The following CERS4 variants were observed in gnomAD, a reference collection of about 807,000 sequenced individuals.
CERS4 encodes LAG1 homolog, ceramide synthase 4.
Under a neutral mutation model 51.8 loss-of-function variants are expected in CERS4, and 65 were observed. The ratio of observed to expected loss-of-function variants is 1.26; its 90% CI spans 1.03 to 1.54. The LOEUF is 1.54. CERS4 is among the 40% of genes most tolerant of loss of function. The probability of loss-of-function intolerance (pLI) is 0.00; values close to 1 mark genes in which losing one functional copy is unlikely to be tolerated. For synonymous variants in CERS4, 228 were observed against 208.4 expected, an observed-to-expected ratio of 1.09 and a Z score of -0.81; for missense variants, 563 against 500.4, an observed-to-expected ratio of 1.13 and a Z score of -1.19.
chr19:8,237,707 C>G (rs955382259), intron 2 of CERS4, among the ~76,000 whole-genome samples: 1 of 151,940 alleles, frequency 6.6e-6, no homozygotes, highest in Non-Finnish European at 1.5e-5. Flanking sequence ...AAAAATTAGC[C>G]GGGCGTGGTG....
rs758202224 is a variant in CERS4 at position 8,257,951 on chromosome 19, T to G, written c.814T>G (p.Phe272Val). The change falls in exon 10 of 12, where the codon TTC becomes GTC. Residue 272 changes from phenylalanine (F) to valine (V), a missense_variant. Phe to Val is a conservative substitution (Grantham distance 50). Transcript: ENST00000251363. ...TCTCTTCCTCATCTTCTCCTTTGTC[T>G]TCTTCTACACCCGACTGGTCCTCTT... ...DALFLIFSFV[F>V]FYTRLVLFPT... The G allele has an allele frequency of 1.5e-5, 25 of 1,613,690 alleles. No homozygotes were observed. The highest frequency in any genetic ancestry group is 2.2e-5 in the East Asian group (1 of 44,876).
At chr19:8,225,183 CA>C (rs774092807) in intron 2 of CERS4, 3 of 152,286 alleles carry the variant, frequency 2.0e-5, no homozygotes, top group African/African-American at 4.8e-5. Context: ...GAGAAAACAG[CA>C]GAGAGGAGGG....
At chr19:8,250,591 G>A (rs1371228495) in intron 2 of CERS4, 1 of 153,404 alleles carries the variant, frequency 6.5e-6, no homozygotes, top group Non-Finnish European at 1.4e-5. Flanking sequence ...TGAGTAGCTG[G>A]GATTACAGGC....
chr19:8,254,478 C>T, intron 3 of CERS4, 21 bp from the exon 4 acceptor site: 1 of 1,607,726 alleles, frequency 6.2e-7, no homozygotes, highest in Non-Finnish European at 8.5e-7. Flanking sequence ...GGCTGATAGG[C>T]TCTGTCTCCT....
intron 2 of CERS4, among the ~76,000 whole-genome samples, chr19:8,223,559 C>T (rs1483976266): frequency 6.6e-6 from 1 of 152,050 alleles, no homozygotes; most frequent in Middle Eastern, 3.2e-3. Flanking sequence ...GCGGAGGTTG[C>T]AGGGAGCTAA....
intron 2 of CERS4, among the ~76,000 whole-genome samples, chr19:8,249,587 ATT>A (rs869119452): frequency 1.2e-3 from 108 of 91,348 alleles, no homozygotes; most frequent in South Asian, 6.6e-3. Context: ...GGAACTCTGG[ATT>A]TTTTTTTTTT....
intron 10 of CERS4, among the ~76,000 whole-genome samples, chr19:8,259,834 A>G (rs973924619): frequency 2.8e-4 from 42 of 152,144 alleles, no homozygotes; most frequent in African/African-American, 1.0e-3. Flanking sequence ...GGCATCACCT[A>G]GGGACCAGGT....
intron 2 of CERS4, among the ~76,000 whole-genome samples, chr19:8,212,937 T>C (rs1006541450): frequency 1.3e-5 from 2 of 152,010 alleles, no homozygotes; most frequent in African/African-American, 4.8e-5. Flanking sequence ...TGTGAGCCAC[T>C]GCGCCCAGCC....
intron 2 of CERS4, among the ~76,000 whole-genome samples, chr19:8,244,055 G>T (rs1268317355): frequency 1.3e-5 from 2 of 152,214 alleles, no homozygotes; most frequent in East Asian, 3.8e-4. Flanking sequence ...CATCACAAGG[G>T]TCTTAAAATG....
At chr19:8,240,232 G>A (rs937254062) in intron 2 of CERS4, among the ~76,000 whole-genome samples, 1 of 152,120 alleles carries the variant, frequency 6.6e-6, no homozygotes, top group Non-Finnish European at 1.5e-5. Context: ...AGGCAGCAGG[G>A]CCAGAATGTA....
chr19:8,258,718 T>C (rs181928395), intron 10 of CERS4, among the ~76,000 whole-genome samples: 24 of 152,268 alleles, frequency 1.6e-4, no homozygotes, highest in African/African-American at 3.9e-4. Flanking sequence ...GGTGCATACC[T>C]GTAATCCCAG....
Position 8,210,017 on chromosome 19 carries a change from T to C in CERS4, c.-159+523T>C, listed in dbSNP as rs1381474238. The C allele has an allele frequency of 1.7e-5, 1 of 59,570 alleles. No individual in the cohort carries two copies. The highest frequency in any genetic ancestry group is 7.5e-5 in the African/African-American group (1 of 13,388). 3.7% of individuals were successfully genotyped at this position (59,570 alleles called of 1,614,324 possible). On this transcript the variant is annotated intron_variant, in intron 1 of 11. Coordinates refer to ENST00000251363, the MANE Select transcript of CERS4 (RefSeq NM_024552.3). This position sits in a 1 kb window ranked among gnomAD's most constrained non-coding sequence, Gnocchi z 4.2. ...GTTGGACCAGCCAGCGAGGGCTTTT[T>C]AGGCCCAGGGCCTAGCCGGGAGTGT...
At position 8,253,449 on chromosome 19, in the gene CERS4, C is replaced by CTTTTTTTT. The variant is rs35212733; in HGVS notation, c.174-1035_174-1028dup. Among the ~76,000 whole-genome samples the CTTTTTTTT allele has an allele frequency of 3.6e-4, 27 of 74,054 alleles. 1 individual carries two copies. The highest frequency in any genetic ancestry group is 1.3e-3 in the African/African-American group (27 of 20,168). 48.6% of individuals were successfully genotyped at this position (74,054 alleles called of 152,430 possible). A position where few individuals can be genotyped will look rare whatever the true frequency, so the allele number is the denominator to read the frequency against. On this transcript the variant is annotated intron_variant, in intron 3 of 11. Transcript: ENST00000251363. ...ACCCTACAGACAAAGGTCCAGCTGCCTTTTTTTTTTTTTTTTTTTTTTGGG... is the reference window on the plus strand; with the variant it reads ...ACCCTACAGACAAAGGTCCAGCTGCCTTTTTTTTTTTTTTTTTTTTTTTTTTTTTTGGG...
chr19:8,236,954 G>C (rs977373750), intron 2 of CERS4, among the ~76,000 whole-genome samples: 1 of 117,398 alleles, frequency 8.5e-6, no homozygotes, highest in African/African-American at 3.3e-5. Flanking sequence ...AGTGAACTGA[G>C]ATCAGGCCAC....
At position 8,209,404 on chromosome 19, in the gene CERS4, CGT is replaced by C. The variant is rs1219090155; in HGVS notation, c.-246_-245del. On this transcript the variant is annotated 5_prime_UTR_variant, in exon 1 of 12. Transcript: ENST00000251363. ...GTCCGGCTGCCTGGGGCGGGCGGCG[CGT>C]GTCTGCAGCTGCTCCGGGTAGCCCG... 3 of 150,892 alleles carry C rather than the reference CGT, an allele frequency of 2.0e-5. No individual in the cohort carries two copies. The highest frequency in any genetic ancestry group is 4.4e-5 in the Non-Finnish European group (3 of 67,512). 9.3% of individuals were successfully genotyped at this position (150,892 alleles called of 1,614,324 possible). A position where few individuals can be genotyped will look rare whatever the true frequency, so the allele number is the denominator to read the frequency against.
Position 8,255,772 on chromosome 19 carries a change from TGGGGC to T in CERS4, c.411-41_411-37del, listed in dbSNP as rs71786313. 1.6e-5 allele frequency: 20 copies of T among 1,259,700 alleles called. No homozygotes were observed. In the Admixed American group the frequency reaches 2.4e-4, roughly 15 times the overall value. The allele number at this position is 1,259,700 out of a possible 1,614,324, so 78.0% of individuals were successfully genotyped here. A position where few individuals can be genotyped will look rare whatever the true frequency, so the allele number is the denominator to read the frequency against. On this transcript the variant is annotated intron_variant, in intron 5 of 11. Transcript: ENST00000251363. ...TGGGGTGCAGGGAAGCGGGCCGGGG[TGGGGC>T]GGGGCGGGTGTCTGCTATTTTCACA...
At chr19:8,225,337 T>A (rs149931054) in intron 2 of CERS4, among the ~76,000 whole-genome samples, 7 of 151,296 alleles carry the variant, frequency 4.6e-5, no homozygotes, top group African/African-American at 1.7e-4. Context: ...AGCCAAAGGC[T>A]GGAGTAGTAG....
chr19:8,256,623 G>A lies in CERS4; in HGVS notation c.525G>A (p.Leu175=). 6.2e-7 allele frequency: 1 copy of A among 1,611,942 alleles called. No homozygotes were observed. The highest frequency in any genetic ancestry group is 8.5e-7 in the Non-Finnish European group (1 of 1,179,150). Reference sequence around the variant, plus strand: ...CTTGTCCTGTCCTGCTGCAGACTCTGAAGCCATCCCTGTACTGGTGGTACC... The same window carrying A: ...CTTGTCCTGTCCTGCTGCAGACTCTAAAGCCATCCCTGTACTGGTGGTACC... ...MCWDRYPNQT[L]KPSLYWWYLL... Residue 175 remains leucine (L), a synonymous_variant, in exon 8 of 12, where the codon CTG becomes CTA. Transcript: ENST00000251363.
rs578205747 is a variant in CERS4, at chr19:8,257,903, C to G, written c.766C>G (p.Gln256Glu). The change falls in exon 10 of 12, where the codon CAG (glutamine) becomes GAG (glutamate). Residue 256 changes from glutamine (Q) to glutamate (E), a missense_variant. Transcript: ENST00000251363. Reference sequence around the variant, plus strand: ...GGCCTGTAAGATGGTCAACTACATGCAGTATCAGCAAGTGTGCGACGCTCT... The same window carrying G: ...GGCCTGTAAGATGGTCAACTACATGGAGTATCAGCAAGTGTGCGACGCTCT... ...LEACKMVNYMQYQQVCDALFL... is the reference protein window; with the variant it reads ...LEACKMVNYMEYQQVCDALFL... The G allele has an allele frequency of 2.1e-5, 34 of 1,613,766 alleles. No individual in the cohort carries two copies. In the South Asian group the frequency reaches 3.4e-4, roughly 16 times the overall value.
Sources: gnomAD v4.1 joint callset for allele counts (sites outside exome capture counted in the v4.1 genomes callset) on GRCh38, gnomAD v4.1.1 for gene constraint, Gnocchi (gnomAD v3.1) non-coding constraint, MANE v1.5 for transcripts, NCBI Gene and HGNC (gene_info 2026-07-23, HGNC 2026-07-21) for gene names.